The following METTL21A variants were observed in gnomAD, a reference collection of about 807,000 sequenced individuals.
METTL21A encodes the protein protein N-lysine methyltransferase METTL21A.
Under a neutral mutation model 20.9 loss-of-function variants are expected in METTL21A, and 22 were observed. The observed-to-expected ratio is 1.05, with a 90% confidence interval of 0.75 to 1.50. METTL21A has a LOEUF of 1.50. Ranked by LOEUF, METTL21A falls within the 40% of genes most tolerant of loss-of-function variation. The probability of loss-of-function intolerance (pLI) is 0.00; values close to 1 mark genes in which losing one functional copy is unlikely to be tolerated. For missense variants in METTL21A, 271 were observed against 266.8 expected (o/e 1.02, Z -0.11); for synonymous variants, 93 against 102.0 (o/e 0.91, Z 0.53).
downstream of METTL21A, chr2:207,609,436 T>C (rs910891413): frequency 6.6e-6 from 1 of 152,178 alleles, no homozygotes; most frequent in Non-Finnish European, 1.5e-5. Flanking sequence ...GCCCTTTAAA[T>C]GGAATGTATC....
chr2:207,587,711 A>G (rs2084144323), intron 3 of METTL21A, among the ~76,000 whole-genome samples: 1 of 152,230 alleles, frequency 6.6e-6, no homozygotes, highest in Non-Finnish European at 1.5e-5. Context: ...TAAATACCAC[A>G]TGTTCTCACT....
intron 3 of METTL21A, among the ~76,000 whole-genome samples, chr2:207,596,600 A>G (rs1239900133): frequency 6.6e-6 from 1 of 152,138 alleles, no homozygotes; most frequent in Non-Finnish European, 1.5e-5. Flanking sequence ...CACCCCGCTA[A>G]TTTTTGTGTT....
chr2:207,600,360 G>A (rs1460634774), intron 3 of METTL21A: 2 of 186,534 alleles, frequency 1.1e-5, no homozygotes, highest in Non-Finnish European at 2.3e-5. Context: ...ATTTTTGTGT[G>A]TTCTGTTGCA....
intron 1 of METTL21A, 147 bp downstream of exon 1, chr2:207,624,915 G>T (rs1194615610): frequency 6.6e-6 from 1 of 152,392 alleles, no homozygotes; most frequent in African/African-American, 2.4e-5. Context: ...GGTGTTAGCG[G>T]TTTGATAAAC....
exon 2 of METTL21A, chr2:207,624,247 T>C: frequency 6.2e-6 from 10 of 1,608,280 alleles, no homozygotes; most frequent in Non-Finnish European, 8.5e-6. Flanking sequence ...AAACCACCGC[T>C]GCGACTCCCA....
downstream of METTL21A, among the ~76,000 whole-genome samples, chr2:207,604,948 A>G (rs1440742186): frequency 6.6e-6 from 1 of 152,204 alleles, no homozygotes; most frequent in Admixed American, 6.5e-5. Flanking sequence ...TAAGTATGCC[A>G]TTGTAGATAT....
chr2:207,614,515 C>T (rs1311732145), intron 3 of METTL21A, among the ~76,000 whole-genome samples: 1 of 152,050 alleles, frequency 6.6e-6, no homozygotes, highest in Non-Finnish European at 1.5e-5. Context: ...CTAAGAAATC[C>T]CAGTCCACTT....
At chr2:207,618,564 G>A (rs1472018771) in intron 3 of METTL21A, among the ~76,000 whole-genome samples, 1 of 152,120 alleles carries the variant, frequency 6.6e-6, no homozygotes, top group East Asian at 1.9e-4. Flanking sequence ...TTAGCCTGGT[G>A]CAGAGGCAGG....
At chr2:207,612,984 A>T (rs1243427147) in exon 4 of METTL21A, 1 of 1,452,354 alleles carries the variant, frequency 6.9e-7, no homozygotes, top group African/African-American at 1.4e-5. Flanking sequence ...ATATGGTTAG[A>T]TTTGCAGTCT....
downstream of METTL21A, chr2:207,609,028 G>T (rs1245056372): frequency 6.6e-6 from 1 of 152,168 alleles, no homozygotes; most frequent in Non-Finnish European, 1.5e-5. Flanking sequence ...GTGCAGTACT[G>T]ACATTTTATG....
At chr2:207,593,722 T>C (rs970773187) in intron 3 of METTL21A, among the ~76,000 whole-genome samples, 13 of 145,470 alleles carry the variant, frequency 8.9e-5, no homozygotes, top group African/African-American at 3.3e-4. Flanking sequence ...TCACAAACTT[T>C]TTTTTTTTTT....
At chr2:207,606,719 T>C (rs575225556), downstream of METTL21A, among the ~76,000 whole-genome samples, 1 of 152,278 alleles carries the variant, frequency 6.6e-6, no homozygotes, top group African/African-American at 2.4e-5. Context: ...ACAAGTCTGT[T>C]TTACCAACTA....
Position 207,599,516 on chromosome 2 carries a change from T to C in METTL21A, c.260-17356A>G, listed in dbSNP as rs912592270. 6 of 195,806 alleles carry C rather than the reference T, an allele frequency of 3.1e-5. No individual in the cohort carries two copies. The East Asian group carries it at 4.8e-4, about 16-fold the overall frequency. The allele number at this position is 195,806 out of a possible 1,614,324, so 12.1% of individuals were successfully genotyped here. A position where few individuals can be genotyped will look rare whatever the true frequency, so the allele number is the denominator to read the frequency against. ...ATCACATTCATGTGAGCTGGATGAA[T>C]TTATAAGTTATAAAGACCTTATCCT... On this transcript the variant is annotated intron_variant, in intron 3 of 3. Coordinates refer to the METTL21A transcript ENST00000425132.
At chr2:207,581,835 C>T (rs2082996632) in exon 4 of METTL21A, 3 of 702,784 alleles carry the variant, frequency 4.3e-6, no homozygotes, top group Non-Finnish European at 7.8e-6. Context: ...ATTATAGTCT[C>T]CTTCAGTCTG....
chr2:207,602,840 CA>C (rs1468555735), intron 3 of METTL21A: 2 of 218,124 alleles, frequency 9.2e-6, no homozygotes, highest in African/African-American at 4.5e-5. Flanking sequence ...AGCAGTTTTC[CA>C]TGTAAAGTTG....
chr2:207,585,954 CAAAAT>C lies in METTL21A; in HGVS notation c.260-3799_260-3795del, dbSNP rs147930746. 1.6e-3 allele frequency among the ~76,000 whole-genome samples: 242 copies of C among 152,160 alleles called. 1 individual carries two copies. The highest frequency in any genetic ancestry group is 5.7e-3 in the African/African-American group (236 of 41,516). On this transcript the variant is annotated intron_variant, in intron 3 of 3. Transcript: ENST00000425132. ...GAAAAGGCATAGAAAACCTATTTAA[CAAAAT>C]AATCACTGAAGACCTCCCATGTCTT... is the stretch of plus-strand genomic sequence containing the variant.
intron 3 of METTL21A, among the ~76,000 whole-genome samples, chr2:207,619,009 G>A (rs2090143570): frequency 1.3e-5 from 2 of 152,080 alleles, no homozygotes; most frequent in South Asian, 4.2e-4. Flanking sequence ...TTTCACCACT[G>A]GAAGGGCGCT....
chr2:207,620,853 G>C (rs2090401033), intron 3 of METTL21A: 1 of 598,682 alleles, frequency 1.7e-6, no homozygotes, highest in Non-Finnish European at 2.8e-6. Context: ...GGACAAAAGA[G>C]GGGCTTTAGC....
At chr2:207,601,106 T>C (rs893438100) in intron 3 of METTL21A, 2 of 125,228 alleles carry the variant, frequency 1.6e-5, no homozygotes, top group East Asian at 1.2e-4. Context: ...ACATACCTTT[T>C]CAGTTGTTTT....
Sources: allele counts gnomAD v4.1 joint callset (sites outside exome capture counted in the v4.1 genomes callset), GRCh38; gene constraint gnomAD v4.1.1; transcripts MANE v1.5; gene names NCBI Gene and HGNC (gene_info 2026-07-23, HGNC 2026-07-21).